Variants in DMD observed in about 807,000 individuals in gnomAD.
The protein encoded by DMD is mutant dystrophin.
DMD carries 63 observed loss-of-function variants against 330.1 expected under a neutral mutation model. The ratio of observed to expected loss-of-function variants is 0.19; its 90% confidence interval spans 0.16 to 0.24. DMD has a LOEUF of 0.24. DMD is among the 10% of genes least tolerant of loss of function. The pLI, the probability that DMD is intolerant of heterozygous loss-of-function variation, is 1.00. For synonymous variants in DMD, 1,223 were observed against 959.8 expected, an observed-to-expected ratio of 1.27 and a Z score of -5.07; for missense variants, 3,344 against 2,684.1, an observed-to-expected ratio of 1.25 and a Z score of -5.43.
intron 37 of DMD, among the ~76,000 whole-genome samples, chrX:32,351,647 C>G (rs1322889816): frequency 2.7e-5 from 3 of 109,168 alleles, no homozygotes. Flanking sequence ...GTAAATATTT[C>G]CTGAAAAAAT....
At chrX:31,261,382 C>T (rs751147210) in intron 62 of DMD, 10 of 202,297 alleles carry the variant, frequency 4.9e-5, no homozygotes, top group Admixed American at 2.0e-4. Flanking sequence ...AGGACACCGA[C>T]AACTGATTAT....
At chrX:31,833,828 G>C (rs753219989) in intron 49 of DMD, among the ~76,000 whole-genome samples, 66 of 111,238 alleles carry the variant, frequency 5.9e-4, no homozygotes, top group Admixed American at 2.5e-3. Context: ...TCTTTAATTA[G>C]AATGTTTGTA....
chrX:33,328,318 C>T (rs1024120137), intron 1 of DMD, among the ~76,000 whole-genome samples: 2 of 110,742 alleles, frequency 1.8e-5, no homozygotes, highest in South Asian at 3.9e-4. Flanking sequence ...ATTCTTCTGC[C>T]TCAGCCTCCC....
intron 9 of DMD, among the ~76,000 whole-genome samples, chrX:32,671,925 T>C (rs1363919910): frequency 9.0e-6 from 1 of 111,668 alleles, no homozygotes; most frequent in Non-Finnish European, 1.9e-5. Flanking sequence ...CCATCATTGG[T>C]TTATTGTTTC....
chrX:32,296,338 C>G (rs1435221647), intron 42 of DMD, among the ~76,000 whole-genome samples: 1 of 111,108 alleles, frequency 9.0e-6, no homozygotes, highest in Non-Finnish European at 1.9e-5. Flanking sequence ...TTGCAGTGAG[C>G]CGAGACTGTG....
At chrX:31,926,442 T>A (rs2094777737) in intron 47 of DMD, among the ~76,000 whole-genome samples, 2 of 111,067 alleles carry the variant, frequency 1.8e-5, no homozygotes, top group Non-Finnish European at 3.8e-5. Flanking sequence ...TTTCGGAGGC[T>A]GAGGTGAGCA....
chrX:31,568,718 T>A (rs1488618205), intron 55 of DMD, among the ~76,000 whole-genome samples: 1 of 111,752 alleles, frequency 8.9e-6, no homozygotes, highest in African/African-American at 3.2e-5. Context: ...CTCAGCTAAA[T>A]CTCTTTTAAT....
intron 60 of DMD, among the ~76,000 whole-genome samples, chrX:31,384,309 C>CACTACT (rs79171547): frequency 0.037 from 3,348 of 91,268 alleles, 84 homozygotes; most frequent in African/African-American, 0.071. Context: ...TATCCTGCTT[C>CACTACT]ACTACTACTA....
At chrX:31,427,686 C>T (rs988730919) in intron 60 of DMD, among the ~76,000 whole-genome samples, 3 of 111,617 alleles carry the variant, frequency 2.7e-5, no homozygotes, top group Non-Finnish European at 5.6e-5. Flanking sequence ...GGCATCCCAG[C>T]TTGAGTGGTA....
At chrX:31,408,915 C>T (rs2061521335) in intron 60 of DMD, among the ~76,000 whole-genome samples, 1 of 111,318 alleles carries the variant, frequency 9.0e-6, no homozygotes, top group Non-Finnish European at 1.9e-5. Flanking sequence ...ACGTATATCT[C>T]CTAATGCTAT....
chrX:32,853,545 T>C (rs2081298908), intron 2 of DMD, among the ~76,000 whole-genome samples: 1 of 110,636 alleles, frequency 9.0e-6, no homozygotes, highest in Admixed American at 9.7e-5. Context: ...ATAGTGTTTG[T>C]AAACCTCATG....
chrX:32,863,254 T>A (rs1471336861), intron 2 of DMD, among the ~76,000 whole-genome samples: 1 of 110,300 alleles, frequency 9.1e-6, no homozygotes, highest in East Asian at 2.9e-4. Context: ...CAGTGGCTCA[T>A]GCCTGTAACC....
chrX:31,663,667 A>G (rs1286022324), intron 53 of DMD, among the ~76,000 whole-genome samples: 1 of 111,097 alleles, frequency 9.0e-6, no homozygotes, highest in East Asian at 2.8e-4. Context: ...GCACCCATCT[A>G]TTCTGGGATC....
At chrX:32,866,815 C>T (rs1417957988) in intron 2 of DMD, among the ~76,000 whole-genome samples, 1 of 108,738 alleles carries the variant, frequency 9.2e-6, no homozygotes, top group Admixed American at 9.7e-5. Context: ...CTCACTGCAA[C>T]CTCCGTCTCC....
chrX:31,363,668 G>A (rs1220045272), intron 60 of DMD, among the ~76,000 whole-genome samples: 5 of 111,897 alleles, frequency 4.5e-5, no homozygotes, highest in South Asian at 3.8e-4. Context: ...GTGAGCCACC[G>A]TGCCCGGCCA....
At chrX:31,999,068 C>T (rs758970289) in intron 44 of DMD, among the ~76,000 whole-genome samples, 3 of 111,649 alleles carry the variant, frequency 2.7e-5, no homozygotes, top group Non-Finnish European at 3.8e-5. Context: ...AAATTTAAAA[C>T]GTCAAGTCAA....
chrX:31,791,098 A>G (rs973620809), intron 50 of DMD, among the ~76,000 whole-genome samples: 1 of 111,163 alleles, frequency 9.0e-6, no homozygotes, highest in Non-Finnish European at 1.9e-5. Flanking sequence ...TCCAGCACAC[A>G]GGTTGAGAAC....
intron 25 of DMD, among the ~76,000 whole-genome samples, chrX:32,458,683 T>A (rs2098371211): frequency 9.0e-6 from 1 of 111,510 alleles, no homozygotes; most frequent in Non-Finnish European, 1.9e-5. Flanking sequence ...TTTGTTCTGA[T>A]AATAGCCACC....
At chrX:31,290,070 G>A (rs933223059) in intron 62 of DMD, among the ~76,000 whole-genome samples, 6 of 108,496 alleles carry the variant, frequency 5.5e-5, no homozygotes, top group African/African-American at 1.7e-4. Flanking sequence ...ACAGGTGCAC[G>A]CCACCATGCC....
Sources: allele counts gnomAD v4.1 joint callset (sites outside exome capture counted in the v4.1 genomes callset), GRCh38; gene constraint gnomAD v4.1.1; transcripts MANE v1.5; gene names NCBI Gene and HGNC (gene_info 2026-07-23, HGNC 2026-07-21).